Variants in GPC5 observed in about 807,000 individuals in gnomAD.
GPC5 encodes glypican 5.
In GPC5, 47 loss-of-function variants were observed where a neutral mutation model predicts 53.9. That is an observed-to-expected ratio of 0.87 (90% CI 0.69 to 1.11). The LOEUF is 1.11. Ranked by LOEUF, GPC5 falls within the 50% of genes most tolerant of loss-of-function variation. The probability of loss-of-function intolerance (pLI) is 0.00; values close to 1 mark genes in which losing one functional copy is unlikely to be tolerated. For missense variants in GPC5, 748 were observed against 713.1 expected (o/e 1.05, Z -0.56); for synonymous variants, 286 against 263.3 (o/e 1.09, Z -0.84).
At chr13:92,505,943 G>T (rs1398390719) in intron 7 of GPC5, among the ~76,000 whole-genome samples, 1 of 152,104 alleles carries the variant, frequency 6.6e-6, no homozygotes, top group Non-Finnish European at 1.5e-5. Flanking sequence ...ATCAGTGGTT[G>T]ACAGGATGTA....
chr13:92,158,589 C>T (rs1310971677), intron 7 of GPC5, among the ~76,000 whole-genome samples: 1 of 151,976 alleles, frequency 6.6e-6, no homozygotes, highest in African/African-American at 2.4e-5. Flanking sequence ...CCTCCTCTCC[C>T]TTCACGCCCC....
chr13:92,712,531 T>G (rs11841894), intron 7 of GPC5, among the ~76,000 whole-genome samples: 6 of 151,964 alleles, frequency 3.9e-5, no homozygotes, highest in African/African-American at 1.4e-4. Flanking sequence ...CAATGAGTTG[T>G]TAGTCTTTAT....
intron 7 of GPC5, among the ~76,000 whole-genome samples, chr13:92,159,119 G>A (rs1332897858): frequency 3.3e-5 from 5 of 152,156 alleles, no homozygotes; most frequent in Non-Finnish European, 7.4e-5. Flanking sequence ...TGTAAATTGT[G>A]CTTACGTAAA....
intron 7 of GPC5, among the ~76,000 whole-genome samples, chr13:92,724,207 G>GT (rs1221456900): frequency 6.6e-5 from 10 of 151,338 alleles, no homozygotes; most frequent in African/African-American, 2.2e-4. Flanking sequence ...TTCAGTATAA[G>GT]ATATTTTTCT....
intron 7 of GPC5, among the ~76,000 whole-genome samples, chr13:92,831,120 T>C (rs1878030217): frequency 6.6e-6 from 1 of 152,086 alleles, no homozygotes; most frequent in South Asian, 2.1e-4. Flanking sequence ...TCGGAAATGA[T>C]CCCAGTGAGA....
intron 7 of GPC5, among the ~76,000 whole-genome samples, chr13:92,433,546 T>C (rs1877182306): frequency 6.6e-6 from 1 of 152,126 alleles, no homozygotes; most frequent in Admixed American, 6.5e-5. Context: ...ATGATTCACG[T>C]AGTATGGAGG....
At chr13:92,094,291 T>C (rs9741795) in intron 6 of GPC5, among the ~76,000 whole-genome samples, 8,591 of 151,844 alleles carry the variant, frequency 0.057, 794 homozygotes, top group African/African-American at 0.19. Context: ...CCGAGGTGGG[T>C]GGATCACGAA....
At chr13:92,627,748 A>C (rs940110835) in intron 7 of GPC5, among the ~76,000 whole-genome samples, 1 of 152,194 alleles carries the variant, frequency 6.6e-6, no homozygotes, top group African/African-American at 2.4e-5. Context: ...GGAGTGATGT[A>C]CCACAATTTG....
rs138192287 is a variant in GPC5, at chr13:91,627,748, A to G, written c.326-65439A>G. ...GAAGTTTTGTAAGATGTGATTTCAT[A>G]AAATGACCAAGGACACAATTTTCCT... On this transcript the variant is annotated intron_variant, in intron 2 of 7. Coordinates refer to ENST00000377067, the MANE Select transcript of GPC5 (RefSeq NM_004466.6). Among the ~76,000 whole-genome samples, 385 of 152,242 alleles carry G rather than the reference A, an allele frequency of 2.5e-3. 1 individual carries two copies. The highest frequency in any genetic ancestry group is 4.1e-3 in the Non-Finnish European group (279 of 68,008).
intron 7 of GPC5, among the ~76,000 whole-genome samples, chr13:92,371,713 C>T (rs995322280): frequency 6.6e-6 from 1 of 152,162 alleles, no homozygotes; most frequent in Non-Finnish European, 1.5e-5. Flanking sequence ...GGTGAGAACT[C>T]ACTCACTATC....
intron 4 of GPC5, among the ~76,000 whole-genome samples, chr13:91,742,741 G>A (rs2036962985): frequency 6.6e-6 from 1 of 152,090 alleles, no homozygotes; most frequent in South Asian, 2.1e-4. Flanking sequence ...ATGAGGATAG[G>A]CTTAATTCGG....
intron 2 of GPC5, among the ~76,000 whole-genome samples, chr13:91,483,309 C>T (rs970150903): frequency 1.3e-5 from 2 of 152,152 alleles, no homozygotes; most frequent in African/African-American, 2.4e-5. Context: ...AGGCTGATGG[C>T]TCAAATAAGG....
intron 7 of GPC5, among the ~76,000 whole-genome samples, chr13:92,376,726 C>T (rs1047382035): frequency 1.3e-5 from 2 of 152,124 alleles, no homozygotes; most frequent in African/African-American, 4.8e-5. Context: ...CAGAAACTTC[C>T]CTGACTGGGC....
At chr13:92,391,383 A>G (rs910922917) in intron 7 of GPC5, among the ~76,000 whole-genome samples, 9 of 152,154 alleles carry the variant, frequency 5.9e-5, no homozygotes, top group African/African-American at 1.9e-4. Context: ...ATTGTGAGTA[A>G]TAGGCTACAA....
chr13:91,714,348 G>T (rs2036288944), intron 3 of GPC5, among the ~76,000 whole-genome samples: 1 of 152,144 alleles, frequency 6.6e-6, no homozygotes, highest in Non-Finnish European at 1.5e-5. Context: ...CTGGGGGATT[G>T]TTGAATACAT....
At chr13:92,159,296 C>A (rs1303070780) in intron 7 of GPC5, among the ~76,000 whole-genome samples, 4 of 152,132 alleles carry the variant, frequency 2.6e-5, no homozygotes, top group African/African-American at 9.7e-5. Context: ...TTTCTGCTGG[C>A]ATTACATCAA....
chr13:91,434,536 G>A (rs9589231), intron 1 of GPC5, among the ~76,000 whole-genome samples: 1 of 151,692 alleles, frequency 6.6e-6, no homozygotes, highest in Non-Finnish European at 1.5e-5. Context: ...ATTTCTGAGG[G>A]CTCTGTTCTG....
intron 7 of GPC5, chr13:92,339,812 T>G (rs1318319087): frequency 6.6e-6 from 1 of 152,126 alleles, no homozygotes; most frequent in African/African-American, 2.4e-5. Context: ...TATAACAATT[T>G]TATTTAAAGT....
At chr13:92,649,502 C>T (rs141643164) in intron 7 of GPC5, among the ~76,000 whole-genome samples, 52 of 152,154 alleles carry the variant, frequency 3.4e-4, no homozygotes, top group African/African-American at 1.2e-3. Context: ...CATAAACTGC[C>T]AATGGTATGA....
Sources: allele counts gnomAD v4.1 joint callset (sites outside exome capture counted in the v4.1 genomes callset), GRCh38; gene constraint gnomAD v4.1.1; transcripts MANE v1.5; gene names NCBI Gene and HGNC (gene_info 2026-07-23, HGNC 2026-07-21).